The following FYB1 variants were observed in gnomAD, a reference collection of about 807,000 sequenced individuals.
FYB1 encodes the protein FYN-binding protein 1.
Under a neutral mutation model 94.1 loss-of-function variants are expected in FYB1, and 41 were observed. The ratio of observed to expected loss-of-function variants is 0.44; its 90% CI spans 0.34 to 0.57. The LOEUF is 0.57. Among genes scored for constraint, FYB1 ranks in the 20% least tolerant of loss-of-function variants. The probability of loss-of-function intolerance (pLI) is 0.02; values close to 1 mark genes in which losing one functional copy is unlikely to be tolerated. For missense variants in FYB1, 1,050 were observed against 976.8 expected (o/e 1.07, Z -1.00); for synonymous variants, 367 against 353.2 (o/e 1.04, Z -0.44).
intron 12 of FYB1, 65 bp from the exon 13 acceptor site, chr5:39,124,343 T>C: frequency 8.8e-7 from 1 of 1,134,102 alleles, no homozygotes; most frequent in Non-Finnish European, 1.2e-6. Flanking sequence ...GATTCCGTTA[T>C]ATAGGAGAGT....
chr5:39,245,057 G>A (rs1318839746), intron 1 of FYB1, among the ~76,000 whole-genome samples: 4 of 151,840 alleles, frequency 2.6e-5, no homozygotes, highest in Non-Finnish European at 5.9e-5. Flanking sequence ...CTTGCTAGCG[G>A]TCTATCAATT....
chr5:39,248,943 T>C (rs1476188721), intron 1 of FYB1, among the ~76,000 whole-genome samples: 1 of 152,232 alleles, frequency 6.6e-6, no homozygotes, highest in Non-Finnish European at 1.5e-5. Flanking sequence ...ATTAGCCACA[T>C]GTAGCTATTT....
At position 39,123,693 on chromosome 5, in the gene FYB1, C is replaced by T. The variant is rs189343637; in HGVS notation, c.2071+560G>A. On this transcript the variant is annotated intron_variant, in intron 13 of 18. Coordinates refer to ENST00000512982, the MANE Select transcript of FYB1 (RefSeq NM_001465.6). ...TTAAAATAAATAAACTTTTTGAAAGCCCCTGAATATTCTTAAGACAACATT... is the reference window on the plus strand; with the variant it reads ...TTAAAATAAATAAACTTTTTGAAAGTCCCTGAATATTCTTAAGACAACATT... Among the ~76,000 whole-genome samples, 913 of 152,144 alleles carry T rather than the reference C, an allele frequency of 6.0e-3. 12 individuals are homozygous for T. Among genetic ancestry groups the T allele is most frequent in the African/African-American group, 0.021 (856 of 41,536 alleles).
At chr5:39,133,906 G>C (rs1741429124) in intron 9 of FYB1, among the ~76,000 whole-genome samples, 2 of 151,942 alleles carry the variant, frequency 1.3e-5, no homozygotes, top group Admixed American at 1.3e-4. Flanking sequence ...TATTTCATTA[G>C]GCATATCCCT....
chr5:39,179,713 A>G (rs1579577988), intron 2 of FYB1, among the ~76,000 whole-genome samples: 1 of 152,026 alleles, frequency 6.6e-6, no homozygotes, highest in East Asian at 1.9e-4. Flanking sequence ...TCCTGACCTC[A>G]GGTGATCCTC....
At chr5:39,151,959 G>A (rs1743289950) in intron 3 of FYB1, among the ~76,000 whole-genome samples, 1 of 152,042 alleles carries the variant, frequency 6.6e-6, no homozygotes, top group South Asian at 2.1e-4. Context: ...GGCCCATTTT[G>A]GTTTCATTTC....
Position 39,126,231 on chromosome 5 carries a change from C to T in FYB1, c.1908-96G>A, listed in dbSNP as rs574397015. On this transcript the variant is annotated intron_variant, in intron 11 of 18. Coordinates refer to ENST00000512982, the MANE Select transcript of FYB1 (RefSeq NM_001465.6). ...GATTCTTTATAATCATTAATCATTA[C>T]GGCCACATTAATCATTCAGGCAGTA... 1.1e-4 allele frequency: 135 copies of T among 1,283,012 alleles called. No individual in the cohort carries two copies. The South Asian group carries it at 1.2e-3, about 11-fold the overall frequency. 79.5% of individuals were successfully genotyped at this position (1,283,012 alleles called of 1,614,324 possible).
chr5:39,254,501 A>G (rs1171661364), intron 1 of FYB1, among the ~76,000 whole-genome samples: 1 of 152,232 alleles, frequency 6.6e-6, no homozygotes, highest in Non-Finnish European at 1.5e-5. Flanking sequence ...CTATTTTACA[A>G]TTACAATCTC....
At chr5:39,150,400 C>T (rs575953005) in intron 3 of FYB1, among the ~76,000 whole-genome samples, 3 of 152,284 alleles carry the variant, frequency 2.0e-5, no homozygotes, top group African/African-American at 2.4e-5. Flanking sequence ...ATGACCAATC[C>T]ACTTTTTGGT....
At position 39,229,692 on chromosome 5, in the gene FYB1, T is replaced by G. The variant is rs147707457; in HGVS notation, c.-27-26705A>C. On this transcript the variant is annotated intron_variant, in intron 1 of 1. Transcript: ENST00000510188. ...ATTGTCTAGTTTAATCCTCATAATA[T>G]TGCTAAGGTGATGATTATGCCCATT... Among the ~76,000 whole-genome samples, 112 of 152,266 alleles carry G rather than the reference T, an allele frequency of 7.4e-4. 1 individual carries two copies. In the Middle Eastern group the frequency reaches 0.014, roughly 18 times the overall value.
At chr5:39,228,015 A>T (rs896866297) in intron 1 of FYB1, among the ~76,000 whole-genome samples, 2 of 152,182 alleles carry the variant, frequency 1.3e-5, no homozygotes, top group African/African-American at 4.8e-5. Flanking sequence ...TTCTTGACAC[A>T]CATATAAAGC....
At chr5:39,200,022 A>T (rs1283392646) in intron 2 of FYB1, among the ~76,000 whole-genome samples, 2 of 152,214 alleles carry the variant, frequency 1.3e-5, no homozygotes, top group Non-Finnish European at 2.9e-5. Context: ...AGAGAACAGG[A>T]TACATTTTGG....
intron 1 of FYB1, among the ~76,000 whole-genome samples, chr5:39,268,308 G>T (rs747679763): frequency 6.7e-6 from 1 of 149,786 alleles, no homozygotes; most frequent in Non-Finnish European, 1.5e-5. Flanking sequence ...CATCACTGCC[G>T]CCTTGAACTC....
chr5:39,192,953 T>C (rs1040226506), intron 2 of FYB1, among the ~76,000 whole-genome samples: 3 of 152,200 alleles, frequency 2.0e-5, no homozygotes, highest in Non-Finnish European at 2.9e-5. Flanking sequence ...CCATCCAGTG[T>C]TCTGTTCACC....
chr5:39,121,036 T>C (rs1383055126), intron 14 of FYB1, among the ~76,000 whole-genome samples: 1 of 152,068 alleles, frequency 6.6e-6, no homozygotes, highest in Non-Finnish European at 1.5e-5. Context: ...CTTTAAACTC[T>C]GAAAATAAGC....
At chr5:39,257,970 G>A (rs1752036488) in intron 1 of FYB1, among the ~76,000 whole-genome samples, 5 of 152,204 alleles carry the variant, frequency 3.3e-5, no homozygotes. Context: ...GGGTTTGGGA[G>A]ATCTCAAACT....
At chr5:39,200,904 A>G (rs1212679709) in intron 2 of FYB1, among the ~76,000 whole-genome samples, 1 of 152,158 alleles carries the variant, frequency 6.6e-6, no homozygotes, top group Non-Finnish European at 1.5e-5. Flanking sequence ...TCATTTACCT[A>G]AAATATTAAT....
chr5:39,109,450 T>C (rs928990922), intron 17 of FYB1, among the ~76,000 whole-genome samples: 4 of 152,136 alleles, frequency 2.6e-5, no homozygotes, highest in Non-Finnish European at 5.9e-5. Context: ...CATTCTGTCC[T>C]TAAAATTTGT....
chr5:39,181,653 C>T (rs1033947047), intron 2 of FYB1, among the ~76,000 whole-genome samples: 1 of 152,096 alleles, frequency 6.6e-6, no homozygotes, highest in African/African-American at 2.4e-5. Context: ...ATGGTCCTCC[C>T]CTGAATCCTG....
Sources: allele counts gnomAD v4.1 joint callset (sites outside exome capture counted in the v4.1 genomes callset), GRCh38; gene constraint gnomAD v4.1.1; transcripts MANE v1.5; gene names NCBI Gene and HGNC (gene_info 2026-07-23, HGNC 2026-07-21).